DMRT1: variants seen among roughly 807,000 people sequenced by gnomAD.
DMRT1 encodes doublesex and mab-3 related transcription factor 1.
DMRT1 carries 7 observed loss-of-function variants against 32.3 expected under a neutral mutation model. The observed-to-expected ratio is 0.22, with a 90% CI of 0.12 to 0.41. The LOEUF is 0.41. DMRT1 is among the 10% of genes least tolerant of loss of function. The pLI is 1.00. For missense variants in DMRT1, 625 were observed against 500.5 expected, an observed-to-expected ratio of 1.25 and a Z score of -2.37; for synonymous variants, 278 against 206.1, an observed-to-expected ratio of 1.35 and a Z score of -2.99.
chr9:947,153 C>A (rs1220979041), intron 4 of DMRT1, among the ~76,000 whole-genome samples: 1 of 152,198 alleles, frequency 6.6e-6, no homozygotes, highest in Non-Finnish European at 1.5e-5. Context: ...GAACCTAGTC[C>A]AAGCTTGTCC....
At chr9:880,601 C>G (rs1030558571) in intron 2 of DMRT1, among the ~76,000 whole-genome samples, 8 of 151,690 alleles carry the variant, frequency 5.3e-5, no homozygotes, top group Admixed American at 2.0e-4. Flanking sequence ...TGGCGCATGC[C>G]TGTAATCCCA....
intron 2 of DMRT1, among the ~76,000 whole-genome samples, chr9:873,598 C>T (rs868111376): frequency 3.9e-5 from 6 of 152,016 alleles, no homozygotes; most frequent in South Asian, 4.1e-4. Flanking sequence ...GGATTACAGG[C>T]GTGATCCACC....
intron 2 of DMRT1, among the ~76,000 whole-genome samples, chr9:857,961 C>A (rs972807602): frequency 6.6e-6 from 1 of 151,862 alleles, no homozygotes; most frequent in Non-Finnish European, 1.5e-5. Flanking sequence ...TGAACTCATC[C>A]TTTTTTATGG....
intron 4 of DMRT1, among the ~76,000 whole-genome samples, chr9:936,086 G>T (rs191461067): frequency 1.9e-3 from 296 of 152,308 alleles, no homozygotes; most frequent in Non-Finnish European, 1.5e-3. Flanking sequence ...GAAAAGCATG[G>T]CTTCTTGTCC....
chr9:851,269 C>T (rs750633016), intron 2 of DMRT1, among the ~76,000 whole-genome samples: 6 of 152,064 alleles, frequency 3.9e-5, no homozygotes, highest in Non-Finnish European at 5.9e-5. Context: ...GACACAGTCT[C>T]GCTCTATCGC....
intron 2 of DMRT1, among the ~76,000 whole-genome samples, chr9:854,334 G>C (rs1176122988): frequency 6.6e-6 from 1 of 151,862 alleles, no homozygotes; most frequent in Non-Finnish European, 1.5e-5. Context: ...GCCCAGGTTG[G>C]AGTGCAGTGG....
Position 968,193 on chromosome 9 carries a change from T to G in DMRT1, c.*54T>G, listed in dbSNP as rs890246465. 2 of 1,603,258 alleles carry G rather than the reference T, an allele frequency of 1.2e-6. No homozygotes were observed. Among genetic ancestry groups the G allele is most frequent in the East Asian group, 2.2e-5 (1 of 44,780 alleles). On this transcript the variant is annotated 3_prime_UTR_variant, in exon 5 of 5. Transcript: ENST00000382276. ...TTGGAGTAACAGGCTTATTCCACTT[T>G]CCATGGGGTTTGTTAATATTTTGCA...
chr9:916,011 A>G (rs68062699), intron 3 of DMRT1, among the ~76,000 whole-genome samples: 30,487 of 152,010 alleles, frequency 0.2, 4,205 homozygotes, highest in African/African-American at 0.39. Context: ...GGGATTACAG[A>G]CGTGAGCCAC....
Position 879,836 on chromosome 9 carries a change from G to T in DMRT1, c.539-14076G>T, listed in dbSNP as rs1291279836. On this transcript the variant is annotated intron_variant, in intron 2 of 4. Coordinates refer to ENST00000382276, the MANE Select transcript of DMRT1 (RefSeq NM_021951.3). ...TATGACTTTATAACATTATGCATTG[G>T]TCATTTGGGAAATACTACTTCAGTA... Among the ~76,000 whole-genome samples, 8 of 152,228 alleles carry T rather than the reference G, an allele frequency of 5.3e-5. No homozygotes were observed. The East Asian group carries it at 1.3e-3, about 26-fold the overall frequency.
chr9:920,122 G>T (rs1373518805), intron 4 of DMRT1, among the ~76,000 whole-genome samples: 52 of 152,194 alleles, frequency 3.4e-4, no homozygotes, highest in Admixed American at 3.4e-3. Context: ...TTGATTAGGA[G>T]TTGGATGTGT....
chr9:924,525 G>T (rs10977534), intron 4 of DMRT1, among the ~76,000 whole-genome samples: 19,528 of 152,108 alleles, frequency 0.13, 1,686 homozygotes, highest in African/African-American at 0.24. Context: ...CTTTTACCGT[G>T]GCTTATGTAT....
Position 860,586 on chromosome 9 carries a change from T to C in DMRT1, c.538+13443T>C, listed in dbSNP as rs145402637. On this transcript the variant is annotated intron_variant, in intron 2 of 4. Coordinates refer to ENST00000382276, the MANE Select transcript of DMRT1 (RefSeq NM_021951.3). ...AGTGCATATATCTCTCACATGGACC[T>C]TATATCTCTTGGGGGCTGCCAGGGA... Among the ~76,000 whole-genome samples the C allele has an allele frequency of 3.3e-4, 50 of 152,330 alleles. No individual in the cohort carries two copies. The East Asian group carries it at 9.4e-3, about 29-fold the overall frequency.
At chr9:911,118 C>T (rs561773918) in intron 3 of DMRT1, among the ~76,000 whole-genome samples, 1 of 152,228 alleles carries the variant, frequency 6.6e-6, no homozygotes, top group South Asian at 2.1e-4. Context: ...TGGCGCTGTT[C>T]AGGCCTTGGG....
At chr9:931,550 C>A (rs930267327) in intron 4 of DMRT1, among the ~76,000 whole-genome samples, 2 of 152,192 alleles carry the variant, frequency 1.3e-5, no homozygotes, top group Admixed American at 6.5e-5. Context: ...TTCTTATAGT[C>A]TGGAGGCTGG....
intron 3 of DMRT1, among the ~76,000 whole-genome samples, chr9:903,773 G>C (rs570420491): frequency 6.6e-6 from 1 of 152,322 alleles, no homozygotes; most frequent in South Asian, 2.1e-4. Flanking sequence ...TGGGGCCCTG[G>C]AGAACAGACA....
At position 842,039 on chromosome 9, in the gene DMRT1, C is replaced by A. The variant is rs1010406034; in HGVS notation, c.201C>A (p.Ser67Arg). 2 of 1,546,590 alleles carry A rather than the reference C, an allele frequency of 1.3e-6. No homozygotes were observed. Among genetic ancestry groups the A allele is most frequent in the Non-Finnish European group, 1.7e-6 (2 of 1,148,864 alleles). The stretch of plus-strand genomic sequence containing the variant: ...GGGCGTCGGACCTGGGTGCCGGGAG[C>A]AAGAAGTCCCCGCGGCTGCCCAAGT... ...GSGASDLGAG[S>R]KKSPRLPKCA... The change falls in exon 1 of 5, where the codon AGC (serine) becomes AGA (arginine). Residue 67 changes from serine to arginine, a missense_variant. This residue lies in a region of DMRT1 where 201 missense variants were observed against 152.0 expected (regional missense o/e 1.32). Transcript: ENST00000382276.
intron 2 of DMRT1, among the ~76,000 whole-genome samples, chr9:847,455 T>G (rs1838956650): frequency 6.6e-6 from 1 of 152,202 alleles, no homozygotes. Flanking sequence ...CCAGTCATCC[T>G]TGTGGGAACT....
At chr9:902,997 T>C (rs1817647126) in intron 3 of DMRT1, among the ~76,000 whole-genome samples, 1 of 152,192 alleles carries the variant, frequency 6.6e-6, no homozygotes, top group Non-Finnish European at 1.5e-5. Flanking sequence ...CTAGAAAGTT[T>C]AAAGCCAGTG....
Position 916,989 on chromosome 9 carries a change from G to A in DMRT1, c.967+82G>A, listed in dbSNP as rs1006288920. 1.7e-5 allele frequency: 25 copies of A among 1,452,366 alleles called. No individual in the cohort carries two copies. The African/African-American group carries it at 3.2e-4, about 19-fold the overall frequency. 90.0% of individuals were successfully genotyped at this position (1,452,366 alleles called of 1,614,324 possible). ...ATTGGGTCATTAGCTGTGTCTAATG[G>A]CTTAGCTGTTAGTAATTGTTGGAAA... On this transcript the variant is annotated intron_variant, in intron 4 of 4. Transcript: ENST00000382276.
Sources: allele counts gnomAD v4.1 joint callset (sites outside exome capture counted in the v4.1 genomes callset), GRCh38; gene constraint gnomAD v4.1.1; regional missense constraint gnomAD v4.1.1; transcripts MANE v1.5; gene names NCBI Gene and HGNC (gene_info 2026-07-23, HGNC 2026-07-21).